SIPA1L1: variants seen among roughly 807,000 people sequenced by gnomAD.
The protein encoded by SIPA1L1 is signal-induced proliferation-associated 1-like protein 1.
A neutral mutation model predicts 162.7 loss-of-function variants in SIPA1L1; 26 were observed. The observed-to-expected ratio is 0.16, with a 90% CI of 0.12 to 0.22. The LOEUF is 0.22. Among genes scored for constraint, SIPA1L1 ranks in the 10% least tolerant of loss-of-function variants. The pLI is 1.00. For missense variants in SIPA1L1, 1,874 were observed against 2,241.0 expected (o/e 0.84, Z 3.31); for synonymous variants, 829 against 837.4 (o/e 0.99, Z 0.17).
chr14:71,675,229 T>G (rs987418994), intron 12 of SIPA1L1, among the ~76,000 whole-genome samples: 2 of 152,252 alleles, frequency 1.3e-5, no homozygotes, highest in Admixed American at 1.3e-4. Flanking sequence ...TCTCAGGCCT[T>G]CCCGGAGGAG....
intron 2 of SIPA1L1, among the ~76,000 whole-genome samples, chr14:71,483,207 C>T (rs2048481404): frequency 6.6e-6 from 1 of 151,960 alleles, no homozygotes; most frequent in Admixed American, 6.6e-5. Context: ...GGTAGTTTAC[C>T]CACACCATGC....
intron 2 of SIPA1L1, among the ~76,000 whole-genome samples, chr14:71,506,983 A>T (rs1192690004): frequency 1.3e-5 from 2 of 152,044 alleles, no homozygotes; most frequent in Non-Finnish European, 2.9e-5. Flanking sequence ...GTCTAATGCA[A>T]AAGCCATAGC....
At chr14:71,430,627 G>T (rs1463407852) in intron 2 of SIPA1L1, among the ~76,000 whole-genome samples, 1 of 152,208 alleles carries the variant, frequency 6.6e-6, no homozygotes, top group Non-Finnish European at 1.5e-5. Flanking sequence ...TATAACAGAT[G>T]AGAAAACTGA....
intron 2 of SIPA1L1, among the ~76,000 whole-genome samples, chr14:71,354,312 C>T (rs1475491930): frequency 6.1e-5 from 9 of 148,726 alleles, no homozygotes; most frequent in African/African-American, 2.2e-4. Flanking sequence ...TGGAGTCACG[C>T]TCTGTTGCCC....
At chr14:71,554,568 C>T (rs1367015725) in intron 4 of SIPA1L1, among the ~76,000 whole-genome samples, 1 of 152,150 alleles carries the variant, frequency 6.6e-6, no homozygotes, top group African/African-American at 2.4e-5. Context: ...AGGTGACCTT[C>T]TGTATAAAGA....
At chr14:71,388,324 A>G (rs772026954) in intron 2 of SIPA1L1, among the ~76,000 whole-genome samples, 4 of 152,240 alleles carry the variant, frequency 2.6e-5, no homozygotes, top group Admixed American at 6.5e-5. Context: ...CCCAAGCTAC[A>G]AAGAAGTTAA....
chr14:71,574,560 T>C (rs1323640574), intron 4 of SIPA1L1: 8 of 152,228 alleles, frequency 5.3e-5, no homozygotes, highest in Non-Finnish European at 1.2e-4. Context: ...CGTGCTAATA[T>C]GCACCTTATA....
rs1343370022 is a variant in SIPA1L1 at position 71,633,843 on chromosome 14, A to G, written c.1818+9607A>G. On this transcript the variant is annotated intron_variant, in intron 7 of 23. Transcript: ENST00000381232. ...ACAGAGCTTCACGGTTTGTGGGGCT[A>G]TAATAAAATATTTAACAATTGTGTC... 2.6e-5 allele frequency among the ~76,000 whole-genome samples: 4 copies of G among 152,204 alleles called. No individual in the cohort carries two copies. The East Asian group carries it at 7.7e-4, about 29-fold the overall frequency.
In SIPA1L1 at chr14:71,699,096, G is replaced by T; in HGVS notation, c.3490G>T (p.Gly1164Cys). The T allele has an allele frequency of 6.2e-7, 1 of 1,614,134 alleles. No homozygotes were observed. Among genetic ancestry groups the T allele is most frequent in the Non-Finnish European group, 8.5e-7 (1 of 1,179,996 alleles). ...ATCCAGTGATACTGGTTCTGTGGGGGGCACTTACAGGCAGAAGTCCATGCC... is the reference window on the plus strand; with the variant it reads ...ATCCAGTGATACTGGTTCTGTGGGGTGCACTTACAGGCAGAAGTCCATGCC... Reference protein sequence around the residue: ...SSSSDTGSVGGTYRQKSMPEG... With the variant: ...SSSSDTGSVGCTYRQKSMPEG... The change falls in exon 14 of 24, where the codon GGC becomes TGC. Residue 1164 changes from glycine to cysteine, a missense_variant. Physicochemically the swap from Gly to Cys is radical, Grantham distance 159 (BLOSUM62 -3). Coordinates refer to ENST00000381232, the MANE Select transcript of SIPA1L1 (RefSeq NM_001386936.1).
intron 2 of SIPA1L1, among the ~76,000 whole-genome samples, chr14:71,476,898 G>A (rs907535209): frequency 6.6e-6 from 1 of 151,890 alleles, no homozygotes; most frequent in Non-Finnish European, 1.5e-5. Flanking sequence ...AGCCAGGATG[G>A]TATCAATCTA....
intron 2 of SIPA1L1, among the ~76,000 whole-genome samples, chr14:71,380,436 A>C (rs1595121632): frequency 6.6e-6 from 1 of 152,152 alleles, no homozygotes; most frequent in East Asian, 1.9e-4. Context: ...CAGGCCTCTA[A>C]ATTGCTCCAT....
intron 14 of SIPA1L1, 80 bp downstream of exon 14, chr14:71,699,207 T>C: frequency 7.5e-7 from 1 of 1,340,116 alleles, no homozygotes; most frequent in Non-Finnish European, 1.1e-6. Context: ...GTAAAATGAC[T>C]TCCATTCAGC....
At chr14:71,570,421 C>A (rs74908387) in intron 4 of SIPA1L1, among the ~76,000 whole-genome samples, 1 of 152,078 alleles carries the variant, frequency 6.6e-6, no homozygotes, top group Non-Finnish European at 1.5e-5. Context: ...CACAGGTGAA[C>A]GCCACTACAC....
At chr14:71,663,120 A>C (rs2043679690) in intron 10 of SIPA1L1, among the ~76,000 whole-genome samples, 1 of 152,240 alleles carries the variant, frequency 6.6e-6, no homozygotes, top group Non-Finnish European at 1.5e-5. Context: ...TTTAATAGCC[A>C]GATTTTTTTA....
chr14:71,483,902 C>T (rs770338322), intron 2 of SIPA1L1, among the ~76,000 whole-genome samples: 6 of 152,156 alleles, frequency 3.9e-5, no homozygotes, highest in Non-Finnish European at 8.8e-5. Flanking sequence ...TACTCCTTCC[C>T]TCTGACATCG....
chr14:71,479,306 C>T (rs998377057), intron 2 of SIPA1L1, among the ~76,000 whole-genome samples: 3 of 150,280 alleles, frequency 2.0e-5, no homozygotes, highest in Admixed American at 2.0e-4. Flanking sequence ...AGGACCAGTA[C>T]CCCTCTTTTT....
chr14:71,599,275 C>T lies in SIPA1L1; in HGVS notation c.1498+9905C>T, dbSNP rs141301793. ...AAGTGATTCTCCTGCCTCAGCCTCC[C>T]GAGTAGCTGGGATTACAGGCATGCG... On this transcript the variant is annotated intron_variant, in intron 5 of 23. Transcript: ENST00000381232. Among the ~76,000 whole-genome samples, 841 of 151,302 alleles carry T rather than the reference C, an allele frequency of 5.6e-3. 10 individuals carry two copies. The highest frequency in any genetic ancestry group is 0.019 in the African/African-American group (801 of 41,234).
chr14:71,439,149 G>A (rs961052460), intron 2 of SIPA1L1, among the ~76,000 whole-genome samples: 2 of 152,178 alleles, frequency 1.3e-5, no homozygotes, highest in African/African-American at 2.4e-5. Flanking sequence ...AGGATGGCTA[G>A]TTTCTCAGAT....
chr14:71,367,909 CTT>C lies in SIPA1L1; in HGVS notation c.-465+46746_-465+46747del, dbSNP rs543910059. ...GGCATGAGCCAGCGTGCCGGCCTTC[CTT>C]TTTTTTTTTTTTTTTTTAATTAAAA... On this transcript the variant is annotated intron_variant, in intron 2 of 23. Transcript: ENST00000381232. Among the ~76,000 whole-genome samples, 306 of 126,992 alleles carry C rather than the reference CTT, an allele frequency of 2.4e-3. 1 individual carries two copies. Among genetic ancestry groups the C allele is most frequent in the African/African-American group, 3.0e-3 (104 of 34,676 alleles). 83.3% of individuals were successfully genotyped at this position (126,992 alleles called of 152,430 possible). A position where few individuals can be genotyped will look rare whatever the true frequency, so the allele number is the denominator to read the frequency against.
Sources: gnomAD v4.1 joint callset for allele counts (sites outside exome capture counted in the v4.1 genomes callset) on GRCh38, gnomAD v4.1.1 for gene constraint, MANE v1.5 for transcripts, NCBI Gene and HGNC (gene_info 2026-07-23, HGNC 2026-07-21) for gene names.